Variants in CNTNAP2 observed in about 807,000 individuals in gnomAD.
CNTNAP2 encodes contactin-associated protein-like 2.
CNTNAP2 carries 98 observed loss-of-function variants against 155.2 expected under a neutral mutation model. The observed-to-expected ratio is 0.63, with a 90% CI of 0.54 to 0.75. CNTNAP2 has a LOEUF of 0.75. CNTNAP2 is among the 30% of genes least tolerant of loss of function. The probability of loss-of-function intolerance (pLI) is 0.00; values close to 1 mark genes in which losing one functional copy is unlikely to be tolerated. For missense variants in CNTNAP2, 1,727 were observed against 1,688.1 expected (o/e 1.02, Z -0.40); for synonymous variants, 651 against 631.2 (o/e 1.03, Z -0.47).
intron 2 of CNTNAP2, among the ~76,000 whole-genome samples, chr7:146,797,025 A>C (rs150335302): frequency 1.3e-5 from 2 of 151,886 alleles, no homozygotes; most frequent in African/African-American, 4.8e-5. Context: ...AGTCCCAGCT[A>C]CTCTGGTGGC....
intron 15 of CNTNAP2, among the ~76,000 whole-genome samples, chr7:148,100,412 C>G (rs1446313085): frequency 1.3e-5 from 2 of 152,172 alleles, no homozygotes; most frequent in African/African-American, 2.4e-5. Flanking sequence ...CACACACATA[C>G]AGATGCATGT....
At chr7:146,957,845 T>G (rs1285532204) in intron 3 of CNTNAP2, among the ~76,000 whole-genome samples, 1 of 152,196 alleles carries the variant, frequency 6.6e-6, no homozygotes, top group South Asian at 2.1e-4. Flanking sequence ...TGGGTGTACA[T>G]AAATCCAAGT....
chr7:147,005,567 TACC>T (rs1419796558), intron 3 of CNTNAP2, among the ~76,000 whole-genome samples: 1 of 152,000 alleles, frequency 6.6e-6, no homozygotes, highest in African/African-American at 2.4e-5. Flanking sequence ...TAGGCCTAAA[TACC>T]ACCTTCAACT....
intron 1 of CNTNAP2, among the ~76,000 whole-genome samples, chr7:146,408,145 GA>G (rs914838134): frequency 2.6e-5 from 4 of 152,008 alleles, no homozygotes; most frequent in African/African-American, 9.7e-5. Flanking sequence ...ACCGTATCTG[GA>G]AAAAAGTCAC....
chr7:146,398,175 G>A (rs796690460), intron 1 of CNTNAP2, among the ~76,000 whole-genome samples: 15 of 134,348 alleles, frequency 1.1e-4, no homozygotes, highest in African/African-American at 3.6e-4. Flanking sequence ...ACCTATACCC[G>A]GCCCCAAACT....
intron 8 of CNTNAP2, among the ~76,000 whole-genome samples, chr7:147,244,962 C>T (rs1172464645): frequency 6.6e-6 from 1 of 151,994 alleles, no homozygotes; most frequent in Non-Finnish European, 1.5e-5. Flanking sequence ...GTAAAGTGAC[C>T]TCAGTGTAGA....
chr7:147,821,091 A>T (rs1023113434), intron 13 of CNTNAP2, among the ~76,000 whole-genome samples: 7 of 152,198 alleles, frequency 4.6e-5, no homozygotes, highest in African/African-American at 1.4e-4. Flanking sequence ...TACTAAAGAC[A>T]TAGTTACCTG....
intron 1 of CNTNAP2, among the ~76,000 whole-genome samples, chr7:146,640,652 G>T (rs140259122): frequency 6.6e-6 from 1 of 152,152 alleles, no homozygotes; most frequent in Non-Finnish European, 1.5e-5. Flanking sequence ...AAGGTTATCC[G>T]TAGCACCTAC....
chr7:147,481,971 T>C (rs1441759128), intron 10 of CNTNAP2, among the ~76,000 whole-genome samples: 1 of 152,202 alleles, frequency 6.6e-6, no homozygotes. Context: ...TCTATATTTC[T>C]CACAGTAAAA....
intron 2 of CNTNAP2, among the ~76,000 whole-genome samples, chr7:146,792,853 G>A (rs1035467015): frequency 1.3e-5 from 2 of 151,866 alleles, no homozygotes; most frequent in African/African-American, 4.8e-5. Context: ...TTTTTTGAAG[G>A]GGCATCAATA....
At chr7:146,882,022 T>A (rs1187793583) in intron 3 of CNTNAP2, among the ~76,000 whole-genome samples, 2 of 152,210 alleles carry the variant, frequency 1.3e-5, no homozygotes, top group Admixed American at 1.3e-4. Context: ...TGTCCATTTG[T>A]ACCCAATGTT....
At chr7:147,041,221 C>G (rs1186701246) in intron 3 of CNTNAP2, among the ~76,000 whole-genome samples, 1 of 152,142 alleles carries the variant, frequency 6.6e-6, no homozygotes, top group African/African-American at 2.4e-5. Flanking sequence ...CTACTTTCTG[C>G]CAGTCAGACT....
intron 1 of CNTNAP2, among the ~76,000 whole-genome samples, chr7:146,726,182 CA>C (rs1174227974): frequency 3.9e-5 from 6 of 152,046 alleles, no homozygotes; most frequent in African/African-American, 1.4e-4. Flanking sequence ...TATAGAGAAA[CA>C]AAGGTTTTCT....
chr7:147,890,048 C>T (rs75449030), intron 13 of CNTNAP2, among the ~76,000 whole-genome samples: 1 of 142,130 alleles, frequency 7.0e-6, no homozygotes. Flanking sequence ...ACAAAAAAAG[C>T]TTAAAGCAAA....
chr7:146,908,484 A>G (rs1220223025), intron 3 of CNTNAP2, among the ~76,000 whole-genome samples: 4 of 138,470 alleles, frequency 2.9e-5, no homozygotes, highest in Non-Finnish European at 6.2e-5. Context: ...ACTAGAACTC[A>G]GGATTAAGAA....
At chr7:146,173,235 T>TTAA (rs1477393158) in intron 1 of CNTNAP2, among the ~76,000 whole-genome samples, 2 of 152,202 alleles carry the variant, frequency 1.3e-5, no homozygotes, top group Non-Finnish European at 2.9e-5. Flanking sequence ...TTATTATACA[T>TTAA]TATTAGAGTA....
At chr7:146,325,607 C>A (rs1801084538) in intron 1 of CNTNAP2, among the ~76,000 whole-genome samples, 1 of 152,080 alleles carries the variant, frequency 6.6e-6, no homozygotes, top group Non-Finnish European at 1.5e-5. Flanking sequence ...TACACACACA[C>A]ACATGCACAC....
chr7:146,248,189 C>G (rs991363239), intron 1 of CNTNAP2, among the ~76,000 whole-genome samples: 3 of 151,618 alleles, frequency 2.0e-5, no homozygotes, highest in African/African-American at 7.3e-5. Flanking sequence ...AATAAGGGAT[C>G]GAGGCGCAGA....
At chr7:147,239,255 C>G (rs1803883820) in intron 8 of CNTNAP2, among the ~76,000 whole-genome samples, 1 of 151,988 alleles carries the variant, frequency 6.6e-6, no homozygotes, top group Non-Finnish European at 1.5e-5. Flanking sequence ...CGCCTATAAT[C>G]TCAGCACTTT....
Sources: allele counts gnomAD v4.1 joint callset (sites outside exome capture counted in the v4.1 genomes callset), GRCh38; gene constraint gnomAD v4.1.1; transcripts MANE v1.5; gene names NCBI Gene and HGNC (gene_info 2026-07-23, HGNC 2026-07-21).